RGPD4: variants seen among roughly 807,000 people sequenced by gnomAD.
RGPD4 encodes ranBP2-like and GRIP domain-containing protein 4.
In RGPD4, 84 loss-of-function variants were observed where a neutral mutation model predicts 141.1. That is an observed-to-expected ratio of 0.60 (90% CI 0.50 to 0.71). RGPD4 has a LOEUF of 0.71. Among genes scored for constraint, RGPD4 ranks in the 30% least tolerant of loss-of-function variants. The pLI, the probability that RGPD4 is intolerant of heterozygous loss-of-function variation, is 0.00. For synonymous variants in RGPD4, 298 were observed against 566.8 expected (o/e 0.53, Z 6.74); for missense variants, 918 against 1,622.4 (o/e 0.57, Z 7.46).
intron 6 of RGPD4, among the ~76,000 whole-genome samples, chr2:107,845,591 A>G (rs1270183903): frequency 1.3e-5 from 2 of 152,212 alleles, no homozygotes; most frequent in Non-Finnish European, 2.9e-5. Context: ...TGTGGGTGAC[A>G]GATGGTTTGT....
chr2:107,846,718 T>C (rs1459952086), intron 6 of RGPD4, among the ~76,000 whole-genome samples: 2 of 151,088 alleles, frequency 1.3e-5, no homozygotes, highest in African/African-American at 4.9e-5. Context: ...TCCACCCGCC[T>C]CAGCCTCCCA....
intron 1 of RGPD4, among the ~76,000 whole-genome samples, chr2:107,833,794 T>C (rs1342131984): frequency 1.2e-4 from 19 of 152,084 alleles, no homozygotes; most frequent in African/African-American, 4.8e-5. Context: ...ATCCCAGCAT[T>C]TTGGGAGGTG....
chr2:107,854,280 T>C (rs1420864283), intron 7 of RGPD4, among the ~76,000 whole-genome samples: 1 of 150,228 alleles, frequency 6.7e-6, no homozygotes, highest in Non-Finnish European at 1.5e-5. Context: ...GCCAGGCTGG[T>C]CTCGAACTCC....
Position 107,846,744 on chromosome 2 carries a change from A to C in RGPD4, c.783-1597A>C, listed in dbSNP as rs549909325. On this transcript the variant is annotated intron_variant, in intron 6 of 22. Coordinates refer to ENST00000408999, the MANE Select transcript of RGPD4 (RefSeq NM_182588.3). Reference sequence around the variant, plus strand: ...CAGCCTCCCAAAGTGCTGGAATTACATGTGTGAGCCACCGCACAGGGCCAA... The same window carrying C: ...CAGCCTCCCAAAGTGCTGGAATTACCTGTGTGAGCCACCGCACAGGGCCAA... 1.6e-3 allele frequency among the ~76,000 whole-genome samples: 245 copies of C among 151,396 alleles called. 3 individuals carry two copies. The highest frequency in any genetic ancestry group is 5.9e-3 in the African/African-American group (240 of 40,996).
chr2:107,885,149 A>G (rs2912704), intron 22 of RGPD4, among the ~76,000 whole-genome samples: 1 of 152,064 alleles, frequency 6.6e-6, no homozygotes, highest in South Asian at 2.1e-4. Flanking sequence ...CAGATTACAA[A>G]TTCACTGTCT....
intron 1 of RGPD4, among the ~76,000 whole-genome samples, chr2:107,828,592 G>T (rs1308071335): frequency 8.3e-6 from 1 of 120,188 alleles, no homozygotes; most frequent in African/African-American, 3.4e-5. Flanking sequence ...CAGCGGCCTC[G>T]ACCTGGCCGG....
At chr2:107,833,997 C>A (rs1573465305) in intron 1 of RGPD4, among the ~76,000 whole-genome samples, 1 of 116,966 alleles carries the variant, frequency 8.5e-6, no homozygotes, top group African/African-American at 3.5e-5. Flanking sequence ...CAGAGCAAGA[C>A]TCCATCTCAA....
At chr2:107,846,074 C>A (rs1681931448) in intron 6 of RGPD4, among the ~76,000 whole-genome samples, 1 of 120,352 alleles carries the variant, frequency 8.3e-6, no homozygotes, top group Non-Finnish European at 1.7e-5. Context: ...CTACAGGTTC[C>A]TGCCACCACA....
intron 1 of RGPD4, among the ~76,000 whole-genome samples, chr2:107,829,707 C>A (rs1158010622): frequency 6.6e-6 from 1 of 152,114 alleles, no homozygotes; most frequent in East Asian, 1.9e-4. Flanking sequence ...GGGCGGGAGA[C>A]CTTTGGCGCC....
chr2:107,873,858 C>T (rs1189715237), intron 20 of RGPD4, among the ~76,000 whole-genome samples: 1 of 149,184 alleles, frequency 6.7e-6, no homozygotes, highest in South Asian at 2.2e-4. Flanking sequence ...GGACTAGCAC[C>T]CCTTCCTCAC....
intron 20 of RGPD4, among the ~76,000 whole-genome samples, chr2:107,876,964 G>T (rs1329215614): frequency 8.5e-5 from 13 of 152,080 alleles, no homozygotes; most frequent in African/African-American, 3.1e-4. Flanking sequence ...TAAAAATCTA[G>T]ATTACAATTC....
chr2:107,847,808 G>A (rs1245487594), intron 6 of RGPD4, among the ~76,000 whole-genome samples: 1 of 72,894 alleles, frequency 1.4e-5, no homozygotes, highest in African/African-American at 6.9e-5. Context: ...CCAGGCGATA[G>A]TGAGAGACTC....
intron 22 of RGPD4, 142 bp from the exon 23 acceptor site, chr2:107,890,572 AAGAACCC>A: frequency 2.2e-5 from 3 of 137,954 alleles, no homozygotes; most frequent in South Asian, 7.7e-5. Context: ...AAAAAAAAAA[AAGAACCC>A]CCCCCCCCCA....
chr2:107,871,191 C>G lies in RGPD4; in HGVS notation c.3187C>G (p.Gln1063Glu), dbSNP rs776436735. The change falls in exon 20 of 23, where the codon CAG (glutamine) becomes GAG (glutamate). Residue 1063 changes from glutamine (Q) to glutamate (E), a missense_variant. Coordinates refer to ENST00000408999, the MANE Select transcript of RGPD4 (RefSeq NM_182588.3). ...AGAAGGTGAAAAAGTTCTGTATTCA[C>G]AGGGGGTAAAACTATTTAGATTTGA... is the stretch of plus-strand genomic sequence containing the variant. ...GEEGEKVLYS[Q>E]GVKLFRFDAE... 2 of 1,609,844 alleles carry G rather than the reference C, an allele frequency of 1.2e-6. No homozygotes were observed. The highest frequency in any genetic ancestry group is 2.2e-5 in the South Asian group (2 of 90,890).
rs1011592721 is a variant in RGPD4 at position 107,857,588 on chromosome 2, C to T, written c.1276+619C>T. Among the ~76,000 whole-genome samples the T allele has an allele frequency of 6.6e-5, 10 of 151,614 alleles. 1 individual carries two copies. The highest frequency in any genetic ancestry group is 2.1e-4 in the South Asian group (1 of 4,812). Reference sequence around the variant, plus strand: ...GCTGGTACCATAGGCACATGCCACTCGGCCCAGATAATTTTTTTTTTTAAT... The same window carrying T: ...GCTGGTACCATAGGCACATGCCACTTGGCCCAGATAATTTTTTTTTTTAAT... On this transcript the variant is annotated intron_variant, in intron 9 of 22. Transcript: ENST00000408999.
intron 1 of RGPD4, among the ~76,000 whole-genome samples, chr2:107,828,016 G>A (rs1306599109): frequency 1.5e-5 from 1 of 67,284 alleles, no homozygotes; most frequent in Admixed American, 1.3e-4. Context: ...CGGCCCGGCG[G>A]CGGCCGCGAT....
chr2:107,881,846 G>A lies in RGPD4; in HGVS notation c.5065-826G>A, dbSNP rs1196200958. On this transcript the variant is annotated intron_variant, in intron 21 of 22. Transcript: ENST00000408999. ...CATTCTTTGCCTCATTTCTCTGATAGTGTTTTACATTGTCTTATATTCCTG... is the reference window on the plus strand; with the variant it reads ...CATTCTTTGCCTCATTTCTCTGATAATGTTTTACATTGTCTTATATTCCTG... Among the ~76,000 whole-genome samples the A allele has an allele frequency of 3.3e-5, 5 of 151,634 alleles. No individual in the cohort carries two copies. The East Asian group carries it at 9.7e-4, about 29-fold the overall frequency.
Position 107,875,581 on chromosome 2 carries a change from A to T in RGPD4, c.4924+2653A>T, listed in dbSNP as rs1255685575. Among the ~76,000 whole-genome samples the T allele has an allele frequency of 1.4e-5, 2 of 146,108 alleles. 1 individual carries two copies. The highest frequency in any genetic ancestry group is 5.2e-5 in the African/African-American group (2 of 38,230). On this transcript the variant is annotated intron_variant, in intron 20 of 22. Transcript: ENST00000408999. Reference sequence around the variant, plus strand: ...GTTCTTCTTTACATTAGTAGATCAGAACAGGTTGCATATAGAAGTTTTTTC... The same window carrying T: ...GTTCTTCTTTACATTAGTAGATCAGTACAGGTTGCATATAGAAGTTTTTTC...
At chr2:107,874,565 G>T (rs1436910402) in intron 20 of RGPD4, among the ~76,000 whole-genome samples, 2 of 148,178 alleles carry the variant, frequency 1.3e-5, no homozygotes, top group Non-Finnish European at 1.5e-5. Context: ...TTATTTTAAA[G>T]ATACGGTCTT....
Sources: allele counts gnomAD v4.1 joint callset (sites outside exome capture counted in the v4.1 genomes callset), GRCh38; gene constraint gnomAD v4.1.1; transcripts MANE v1.5; gene names NCBI Gene and HGNC (gene_info 2026-07-23, HGNC 2026-07-21).